The following ELMO1 variants were observed in gnomAD, a reference collection of about 807,000 sequenced individuals.
ELMO1 encodes engulfment and cell motility 1.
ELMO1 carries 26 observed loss-of-function variants against 98.9 expected under a neutral mutation model. That is an observed-to-expected ratio of 0.26 (90% CI 0.19 to 0.36). The LOEUF is 0.36. ELMO1 is among the 10% of genes least tolerant of loss of function. The probability of loss-of-function intolerance (pLI) is 1.00; values close to 1 mark genes in which losing one functional copy is unlikely to be tolerated. For synonymous variants in ELMO1, 346 were observed against 346.0 expected (o/e 1.00, Z 0.00); for missense variants, 627 against 935.2 (o/e 0.67, Z 4.30).
chr7:36,990,031 T>C (rs1584484583), intron 16 of ELMO1, among the ~76,000 whole-genome samples: 1 of 152,196 alleles, frequency 6.6e-6, no homozygotes, highest in South Asian at 2.1e-4. Flanking sequence ...TAGCTAGTCA[T>C]GGTTTTAGTT....
intron 13 of ELMO1, among the ~76,000 whole-genome samples, chr7:37,175,018 C>A (rs1404580688): frequency 1.3e-5 from 2 of 151,062 alleles, no homozygotes; most frequent in Non-Finnish European, 2.9e-5. Flanking sequence ...AAATCAATGG[C>A]GAAGTGGGAC....
chr7:37,173,723 T>A (rs1257225342), intron 13 of ELMO1, among the ~76,000 whole-genome samples: 4 of 152,232 alleles, frequency 2.6e-5, no homozygotes, highest in African/African-American at 9.6e-5. Flanking sequence ...TCAAAACTTA[T>A]ATAGAGAAGA....
At chr7:37,428,669 T>G (rs1804807556) in intron 1 of ELMO1, among the ~76,000 whole-genome samples, 1 of 152,196 alleles carries the variant, frequency 6.6e-6, no homozygotes, top group African/African-American at 2.4e-5. Context: ...ACCCAACAGA[T>G]GAAAGAAGAG....
chr7:37,171,509 T>TTTTTTTTTTTTTTTTTTTG (rs1352287795), intron 13 of ELMO1, among the ~76,000 whole-genome samples: 1 of 142,546 alleles, frequency 7.0e-6, no homozygotes, highest in Non-Finnish European at 1.5e-5. Flanking sequence ...TTTTTTTTTT[T>TTTTTTTTTTTTTTTTTTTG]TGAGACAGAG....
rs10676771 is a variant in ELMO1, at chr7:37,073,572, A to ATGTGTGTG, written c.1300+23039_1300+23046dup. Among the ~76,000 whole-genome samples, 62 of 146,476 alleles carry ATGTGTGTG rather than the reference A, an allele frequency of 4.2e-4. 1 individual carries two copies. Among genetic ancestry groups the ATGTGTGTG allele is most frequent in the African/African-American group, 1.5e-3 (61 of 40,042 alleles). ...ATCTGGTTTTTATTGTTGTTTTTGTATGTGTGTGTGTGTGTGTGTGTGCAT... is the reference window on the plus strand; with the variant it reads ...ATCTGGTTTTTATTGTTGTTTTTGTATGTGTGTGTGTGTGTGTGTGTGTGTGTGTGCAT... On this transcript the variant is annotated intron_variant, in intron 15 of 21. Coordinates refer to ENST00000310758, the MANE Select transcript of ELMO1 (RefSeq NM_014800.11).
chr7:36,863,779 T>C (rs1802815706), intron 20 of ELMO1, among the ~76,000 whole-genome samples: 1 of 152,240 alleles, frequency 6.6e-6, no homozygotes, highest in Admixed American at 6.5e-5. Flanking sequence ...AAAATAATTA[T>C]GGTAAGGTGA....
rs1800747802 is a variant in ELMO1 at position 37,342,027 on chromosome 7, T to C, written c.78+586A>G. On this transcript the variant is annotated intron_variant, in intron 2 of 21. Coordinates refer to ENST00000310758, the MANE Select transcript of ELMO1 (RefSeq NM_014800.11). The surrounding 1 kb of genome is among the most constrained non-coding windows in gnomAD (Gnocchi z 4.3). ...GGTCAAGCCACTTTTATAAGTCTTC[T>C]TGATATTTTTTAATTCAATAAACAT... Among the ~76,000 whole-genome samples the C allele has an allele frequency of 6.6e-6, 1 of 152,314 alleles. No individual in the cohort carries two copies. The highest frequency in any genetic ancestry group is 1.5e-5 in the Non-Finnish European group (1 of 68,028).
chr7:37,097,011 A>G (rs1370822783), intron 14 of ELMO1, among the ~76,000 whole-genome samples: 1 of 152,188 alleles, frequency 6.6e-6, no homozygotes. Context: ...ATAGTACAAT[A>G]AAGACTTTTT....
At chr7:37,191,017 A>C (rs1466793864) in intron 13 of ELMO1, among the ~76,000 whole-genome samples, 2 of 151,322 alleles carry the variant, frequency 1.3e-5, no homozygotes, top group Non-Finnish European at 2.9e-5. Context: ...GTGAAACCCC[A>C]TCTCTACTAA....
chr7:36,950,830 G>A (rs759960521), intron 16 of ELMO1, among the ~76,000 whole-genome samples: 8 of 152,108 alleles, frequency 5.3e-5, no homozygotes, highest in Non-Finnish European at 1.2e-4. Context: ...ACTCCATGAA[G>A]CTGTTTACAG....
chr7:37,386,384 G>A (rs908355367), intron 1 of ELMO1, among the ~76,000 whole-genome samples: 2 of 151,890 alleles, frequency 1.3e-5, no homozygotes, highest in African/African-American at 2.4e-5. Flanking sequence ...CTGGAGGGGG[G>A]AGCCCAGGTC....
At position 37,351,822 on chromosome 7, in the gene ELMO1, GA is replaced by G. The variant is rs1801281421; in HGVS notation, c.-73-9060del. ...CACACTCTAACCTTGCAGTCAAGAGGAAATGGTCTTTTGCTCCCCAATTCTA... is the reference window on the plus strand; with the variant it reads ...CACACTCTAACCTTGCAGTCAAGAGGAATGGTCTTTTGCTCCCCAATTCTA... On this transcript the variant is annotated intron_variant, in intron 1 of 21. Coordinates refer to ENST00000310758, the MANE Select transcript of ELMO1 (RefSeq NM_014800.11). Among the ~76,000 whole-genome samples the G allele has an allele frequency of 2.0e-5, 3 of 152,292 alleles. No homozygotes were observed. The East Asian group carries it at 5.8e-4, about 29-fold the overall frequency.
chr7:36,884,220 C>T (rs866471979), intron 18 of ELMO1, among the ~76,000 whole-genome samples: 5 of 151,114 alleles, frequency 3.3e-5, no homozygotes, highest in Admixed American at 6.6e-5. Flanking sequence ...TGGAGGCTGA[C>T]GCAGGAGAAC....
chr7:37,271,504 T>C (rs557861971), intron 5 of ELMO1: 2 of 236,918 alleles, frequency 8.4e-6, no homozygotes, highest in East Asian at 1.1e-4. Flanking sequence ...GGGCCACACA[T>C]AAAATACGCT....
chr7:37,040,140 T>C (rs967318218), intron 15 of ELMO1, among the ~76,000 whole-genome samples: 47 of 148,148 alleles, frequency 3.2e-4, no homozygotes, highest in African/African-American at 1.1e-3. Flanking sequence ...TATTTCTACT[T>C]AATTCAAATT....
intron 1 of ELMO1, among the ~76,000 whole-genome samples, chr7:37,417,775 G>C (rs1440340172): frequency 6.6e-6 from 1 of 152,204 alleles, no homozygotes; most frequent in Non-Finnish European, 1.5e-5. Context: ...CTGTGAGGCA[G>C]AGGTTGCAGT....
intron 16 of ELMO1, among the ~76,000 whole-genome samples, chr7:36,921,843 C>T (rs1255588395): frequency 6.6e-6 from 1 of 152,180 alleles, no homozygotes; most frequent in Non-Finnish European, 1.5e-5. Flanking sequence ...GGGGCATTTG[C>T]TGGGCTTTAG....
chr7:37,213,115 G>T (rs1793072978), intron 12 of ELMO1, among the ~76,000 whole-genome samples: 1 of 152,158 alleles, frequency 6.6e-6, no homozygotes, highest in Admixed American at 6.5e-5. Flanking sequence ...AATGCAGAAA[G>T]AACATGCATG....
intron 1 of ELMO1, among the ~76,000 whole-genome samples, chr7:37,422,615 A>G (rs1353323823): frequency 6.6e-6 from 1 of 152,244 alleles, no homozygotes; most frequent in Non-Finnish European, 1.5e-5. Flanking sequence ...TAAAACACTT[A>G]AACAGGTCTA....
Sources: gnomAD v4.1 joint callset for allele counts (sites outside exome capture counted in the v4.1 genomes callset) on GRCh38, gnomAD v4.1.1 for gene constraint, Gnocchi (gnomAD v3.1) non-coding constraint, MANE v1.5 for transcripts, NCBI Gene and HGNC (gene_info 2026-07-23, HGNC 2026-07-21) for gene names.